Variants in LRP1B observed in about 807,000 individuals in gnomAD.
LRP1B encodes LDL receptor related protein 1B, also known as low-density lipoprotein receptor-related protein 1B.
Under a neutral mutation model 556.6 loss-of-function variants are expected in LRP1B, and 217 were observed. The ratio of observed to expected loss-of-function variants is 0.39; its 90% CI spans 0.35 to 0.44. The LOEUF is 0.44. Among genes scored for constraint, LRP1B ranks in the 20% least tolerant of loss-of-function variants. The pLI, the probability that LRP1B is intolerant of heterozygous loss-of-function variation, is 1.00. For synonymous variants in LRP1B, 2,047 were observed against 1,865.8 expected (o/e 1.10, Z -2.50); for missense variants, 5,053 against 5,620.8 (o/e 0.90, Z 3.23).
Position 140,666,016 on chromosome 2 carries a change from C to T in LRP1B, c.6799+34234G>A, listed in dbSNP as rs986435559. Among the ~76,000 whole-genome samples the T allele has an allele frequency of 6.1e-5, 9 of 147,332 alleles. No individual in the cohort carries two copies. In the South Asian group the frequency reaches 1.3e-3, roughly 21 times the overall value. ...AAAATTTTTTTTTTTTTTCCTGAGA[C>T]GGAGTCTCACTCTGTTGCCCAAGCT... On this transcript the variant is annotated intron_variant, in intron 41 of 90. Transcript: ENST00000389484.
rs4662312 is a variant in LRP1B at position 141,948,066 on chromosome 2, C to T, written c.83-137665G>A. On this transcript the variant is annotated intron_variant, in intron 1 of 90. Transcript: ENST00000389484. ...TAATCCCAGCACTTTGTGAGGCCGC[C>T]GTGGGCAGATTACTTGAGGTCAGGA... is the stretch of plus-strand genomic sequence containing the variant. 4.0e-5 allele frequency among the ~76,000 whole-genome samples: 6 copies of T among 151,742 alleles called. No homozygotes were observed. The East Asian group carries it at 9.8e-4, about 25-fold the overall frequency.
intron 7 of LRP1B, among the ~76,000 whole-genome samples, chr2:141,084,025 T>C (rs1473435801): frequency 6.6e-6 from 1 of 152,228 alleles, no homozygotes; most frequent in Admixed American, 6.5e-5. Context: ...TTCTATTACC[T>C]TATCTGCAAA....
intron 2 of LRP1B, among the ~76,000 whole-genome samples, chr2:141,798,228 G>GA (rs1695885964): frequency 6.8e-6 from 1 of 146,062 alleles, no homozygotes; most frequent in Non-Finnish European, 1.5e-5. Flanking sequence ...AGAGACAGAT[G>GA]AAGAAAAAAT....
chr2:140,349,094 C>T (rs1027229125), intron 77 of LRP1B, among the ~76,000 whole-genome samples: 2 of 152,012 alleles, frequency 1.3e-5, no homozygotes, highest in Admixed American at 6.6e-5. Flanking sequence ...AGCTCAGCTC[C>T]CTCACTAGCT....
chr2:140,668,399 AT>A (rs569341044), intron 41 of LRP1B, among the ~76,000 whole-genome samples: 1 of 147,494 alleles, frequency 6.8e-6, no homozygotes, highest in Admixed American at 6.8e-5. Flanking sequence ...TACTTCGGTC[AT>A]TTTTTTTGAA....
chr2:140,562,614 T>C (rs1680971491), intron 43 of LRP1B, among the ~76,000 whole-genome samples: 2 of 152,058 alleles, frequency 1.3e-5, no homozygotes. Context: ...TTTTCTTTTC[T>C]GTTATTTATT....
intron 71 of LRP1B, among the ~76,000 whole-genome samples, chr2:140,368,065 A>G (rs1467850834): frequency 6.6e-6 from 1 of 151,778 alleles, no homozygotes; most frequent in Non-Finnish European, 1.5e-5. Context: ...ACTCCAAAAA[A>G]TTTGCACTAA....
intron 2 of LRP1B, among the ~76,000 whole-genome samples, chr2:141,800,033 T>C (rs564024516): frequency 1.6e-4 from 25 of 152,286 alleles, no homozygotes; most frequent in African/African-American, 5.5e-4. Flanking sequence ...TCTCCAATTA[T>C]TACTACATCT....
At chr2:141,869,578 A>G (rs1427814970) in intron 1 of LRP1B, among the ~76,000 whole-genome samples, 1 of 152,104 alleles carries the variant, frequency 6.6e-6, no homozygotes, top group Non-Finnish European at 1.5e-5. Flanking sequence ...TTTAACAGAA[A>G]ACATATGGGT....
chr2:141,113,786 A>G (rs1037595843), intron 7 of LRP1B, among the ~76,000 whole-genome samples: 8 of 152,196 alleles, frequency 5.3e-5, no homozygotes, highest in African/African-American at 1.9e-4. Flanking sequence ...ACTTGAAAGA[A>G]GTCATGATAA....
At chr2:141,307,765 G>A (rs1044402916) in intron 3 of LRP1B, among the ~76,000 whole-genome samples, 1 of 152,120 alleles carries the variant, frequency 6.6e-6, no homozygotes, top group Non-Finnish European at 1.5e-5. Context: ...GGTGGCACTG[G>A]TGTTATTATG....
intron 41 of LRP1B, among the ~76,000 whole-genome samples, chr2:140,665,414 C>T (rs16844426): frequency 0.1 from 15,847 of 152,170 alleles, 969 homozygotes; most frequent in East Asian, 0.25. Context: ...AACATAGACT[C>T]TATGAAAATA....
chr2:141,462,247 C>A (rs952076787), intron 3 of LRP1B, among the ~76,000 whole-genome samples: 1 of 152,102 alleles, frequency 6.6e-6, no homozygotes, highest in Non-Finnish European at 1.5e-5. Flanking sequence ...TATTGCTAGG[C>A]CTCCACAGAG....
chr2:140,419,269 G>T (rs113489422), intron 66 of LRP1B, among the ~76,000 whole-genome samples: 2,139 of 152,232 alleles, frequency 0.014, 53 homozygotes, highest in African/African-American at 0.049. Context: ...TTCCAAAAAT[G>T]TGTGCATTAA....
At chr2:141,151,056 A>G (rs1162007100) in intron 7 of LRP1B, among the ~76,000 whole-genome samples, 1 of 152,180 alleles carries the variant, frequency 6.6e-6, no homozygotes, top group Non-Finnish European at 1.5e-5. Context: ...TCACACTATC[A>G]AGGAATTTAC....
At chr2:141,997,213 C>T (rs1177747660) in intron 1 of LRP1B, among the ~76,000 whole-genome samples, 2 of 151,954 alleles carry the variant, frequency 1.3e-5, no homozygotes, top group Non-Finnish European at 2.9e-5. Flanking sequence ...ACCACAACAG[C>T]CTGGGTTTAA....
chr2:140,932,452 T>C (rs1695077522), intron 20 of LRP1B, among the ~76,000 whole-genome samples: 1 of 149,544 alleles, frequency 6.7e-6, no homozygotes, highest in South Asian at 2.1e-4. Context: ...CTTTGAGTAG[T>C]TGCAACAGGC....
At position 140,534,036 on chromosome 2, in the gene LRP1B, C is replaced by T. The variant is rs2104994393; in HGVS notation, c.7747G>A (p.Glu2583Lys). Reference sequence around the variant, plus strand: ...AAGTATTTACCTTTACAATCTAATTCATCAGAGTTGTCTCCGCAGTCATTT... The same window carrying T: ...AAGTATTTACCTTTACAATCTAATTTATCAGAGTTGTCTCCGCAGTCATTT... The part of the protein sequence containing the change: ...GENDCGDNSD[E>K]LDCKVSTCAT... Residue 2583 changes from glutamate to lysine, a missense_variant, in exon 47 of 91, where the codon GAA becomes AAA. Physicochemically the swap from Glu to Lys is moderately conservative, Grantham distance 56. Coordinates refer to ENST00000389484, the MANE Select transcript of LRP1B (RefSeq NM_018557.3). 1 of 1,613,496 alleles carries T rather than the reference C, an allele frequency of 6.2e-7. No homozygotes were observed. Among genetic ancestry groups the T allele is most frequent in the Non-Finnish European group, 8.5e-7 (1 of 1,179,622 alleles).
intron 31 of LRP1B, among the ~76,000 whole-genome samples, chr2:140,826,702 A>G (rs1179888421): frequency 2.0e-5 from 3 of 152,172 alleles, no homozygotes; most frequent in Non-Finnish European, 4.4e-5. Context: ...AGATCAAGGC[A>G]GAGCCAGCTT....
Sources: allele counts gnomAD v4.1 joint callset (sites outside exome capture counted in the v4.1 genomes callset), GRCh38; gene constraint gnomAD v4.1.1; transcripts MANE v1.5; gene names NCBI Gene and HGNC (gene_info 2026-07-23, HGNC 2026-07-21).